LZTFL1: variants seen among roughly 807,000 people sequenced by gnomAD.
The protein encoded by LZTFL1 is leucine zipper transcription factor like 1, also known as leucine zipper transcription factor-like protein 1.
Under a neutral mutation model 45.9 loss-of-function variants are expected in LZTFL1, and 25 were observed. The ratio of observed to expected loss-of-function variants is 0.54; its 90% CI spans 0.40 to 0.76. The LOEUF (loss-of-function observed/expected upper bound fraction) is 0.76, where lower values mean the gene tolerates loss of function less well. LZTFL1 is among the 30% of genes least tolerant of loss of function. The pLI, the probability that LZTFL1 is intolerant of heterozygous loss-of-function variation, is 0.00. For synonymous variants in LZTFL1, 93 were observed against 117.4 expected (o/e 0.79, Z 1.35); for missense variants, 277 against 331.1 (o/e 0.84, Z 1.27).
At chr3:45,888,149 T>C (rs1702039603) in intron 2 of LZTFL1, among the ~76,000 whole-genome samples, 1 of 152,222 alleles carries the variant, frequency 6.6e-6, no homozygotes, top group Admixed American at 6.5e-5. Flanking sequence ...CTTTTCTCTT[T>C]TGGAGAATTA....
intron 2 of LZTFL1, among the ~76,000 whole-genome samples, chr3:45,892,855 G>A (rs1355924499): frequency 6.6e-6 from 1 of 152,226 alleles, no homozygotes; most frequent in Non-Finnish European, 1.5e-5. Context: ...GTTACCAGGA[G>A]GAAGTTCTGG....
chr3:45,873,282 T>C (rs1474818504), intron 2 of LZTFL1, among the ~76,000 whole-genome samples: 1 of 152,236 alleles, frequency 6.6e-6, no homozygotes, highest in Non-Finnish European at 1.5e-5. Context: ...GTGATGCTAG[T>C]GTTGCTCTAT....
At chr3:45,834,820 G>C (rs1658528136) in intron 3 of LZTFL1, 1 of 153,040 alleles carries the variant, frequency 6.5e-6, no homozygotes, top group Non-Finnish European at 1.5e-5. Context: ...CAAGCTTAGA[G>C]TGTTAACAGC....
chr3:45,887,251 C>CTGTGTG (rs36040178), intron 2 of LZTFL1, among the ~76,000 whole-genome samples: 2,129 of 149,208 alleles, frequency 0.014, 57 homozygotes, highest in African/African-American at 0.049. Context: ...GCGTGTGTGT[C>CTGTGTG]TGTGTGTGTG....
At chr3:45,861,117 C>T (rs1373519747) in intron 2 of LZTFL1, among the ~76,000 whole-genome samples, 1 of 151,470 alleles carries the variant, frequency 6.6e-6, no homozygotes, top group Admixed American at 6.6e-5. Flanking sequence ...AGAGAGGGCC[C>T]AGGAGTGGCA....
At position 45,900,668 on chromosome 3, in the gene LZTFL1, G is replaced by A. The variant is rs1702521558; in HGVS notation, c.-215+12452C>T. ...AAATAAATATGTCACAACCCAAGCA[G>A]ATGTCCTCAGAATGCCTATGTGTCT... On this transcript the variant is annotated intron_variant, in intron 2 of 4. Transcript: ENST00000472635. The surrounding 1 kb of genome is among the most constrained non-coding windows in gnomAD (Gnocchi z 4.7). 2 of 744,944 alleles carry A rather than the reference G, an allele frequency of 2.7e-6. No homozygotes were observed. The allele number at this position is 744,944 out of a possible 1,614,324, so 46.1% of individuals were successfully genotyped here.
At chr3:45,914,188 C>T (rs1008833181) in intron 1 of LZTFL1, among the ~76,000 whole-genome samples, 3 of 152,138 alleles carry the variant, frequency 2.0e-5, no homozygotes, top group African/African-American at 4.8e-5. Flanking sequence ...GACACAGCAA[C>T]GTTCACCAGG....
chr3:45,824,967 ACTGCCTT>A lies in LZTFL1; in HGVS notation c.*1340_*1346del, dbSNP rs1700627758. The A allele has an allele frequency of 2.5e-6, 1 of 398,112 alleles. No homozygotes were observed. Among genetic ancestry groups the A allele is most frequent in the Non-Finnish European group, 4.4e-6 (1 of 225,814 alleles). The allele number at this position is 398,112 out of a possible 1,614,324, so 24.7% of individuals were successfully genotyped here. A position where few individuals can be genotyped will look rare whatever the true frequency, so the allele number is the denominator to read the frequency against. ...TCTCTCATCCATTCATCTTCTTAAG[ACTGCCTT>A]CTGTGTCCTTTTGCAGGGAAATTAT... On this transcript the variant is annotated 3_prime_UTR_variant, in exon 10 of 10. Transcript: ENST00000296135.
chr3:45,859,837 A>T (rs1055169751), intron 2 of LZTFL1, among the ~76,000 whole-genome samples: 2 of 152,110 alleles, frequency 1.3e-5, no homozygotes, highest in African/African-American at 2.4e-5. Flanking sequence ...GGGTTTCACC[A>T]TGTTGGCCAG....
intron 2 of LZTFL1, among the ~76,000 whole-genome samples, chr3:45,892,107 C>A (rs1433052120): frequency 6.6e-6 from 1 of 152,088 alleles, no homozygotes; most frequent in Non-Finnish European, 1.5e-5. Context: ...GCACTAGGTG[C>A]TAATTATGCT....
intron 2 of LZTFL1, chr3:45,903,038 A>G (rs1702606611): frequency 6.0e-6 from 1 of 167,102 alleles, no homozygotes; most frequent in Non-Finnish European, 1.5e-5. Flanking sequence ...GATTTGGCAA[A>G]ATGCATCACC....
chr3:45,893,302 A>C (rs1463657342), intron 2 of LZTFL1, among the ~76,000 whole-genome samples: 1 of 151,978 alleles, frequency 6.6e-6, no homozygotes, highest in Admixed American at 6.6e-5. Context: ...CTACAGGCGC[A>C]CACCACCACA....
chr3:45,871,213 G>A (rs1701665677), intron 2 of LZTFL1, among the ~76,000 whole-genome samples: 1 of 152,156 alleles, frequency 6.6e-6, no homozygotes, highest in South Asian at 2.1e-4. Context: ...TTCTCCAGAG[G>A]GGATGCCAGA....
intron 2 of LZTFL1, among the ~76,000 whole-genome samples, chr3:45,885,275 A>G (rs1187635912): frequency 2.0e-5 from 3 of 152,238 alleles, no homozygotes; most frequent in African/African-American, 4.8e-5. Context: ...CCCCCAGAAC[A>G]AATATATAAA....
rs192123238 is a variant in LZTFL1, at chr3:45,837,914, C to T, written c.128+13G>A. The T allele has an allele frequency of 8.4e-5, 135 of 1,598,006 alleles. No individual in the cohort carries two copies. The Admixed American group carries it at 9.7e-4, about 11-fold the overall frequency. ...TGTTCCTATTTGGTTTGCTTAGAGTCCTCCTCTGATACCTGCTCTCCTTGA... is the reference window on the plus strand; with the variant it reads ...TGTTCCTATTTGGTTTGCTTAGAGTTCTCCTCTGATACCTGCTCTCCTTGA... On this transcript the variant is annotated intron_variant, in intron 2 of 9. Transcript: ENST00000296135.
intron 2 of LZTFL1, among the ~76,000 whole-genome samples, chr3:45,892,758 A>C (rs1404930979): frequency 2.0e-5 from 3 of 152,034 alleles, no homozygotes; most frequent in Non-Finnish European, 4.4e-5. Context: ...AACAAAAAAA[A>C]CCCACGTGGG....
intron 2 of LZTFL1, among the ~76,000 whole-genome samples, chr3:45,886,138 C>A (rs1467724633): frequency 6.6e-6 from 1 of 152,158 alleles, no homozygotes; most frequent in Non-Finnish European, 1.5e-5. Context: ...AGGTATGTTG[C>A]GATGGATAGT....
chr3:45,892,652 C>A (rs998761785), intron 2 of LZTFL1, among the ~76,000 whole-genome samples: 1 of 152,100 alleles, frequency 6.6e-6, no homozygotes, highest in African/African-American at 2.4e-5. Context: ...AATCTATACA[C>A]CAAGCCCCCA....
chr3:45,851,547 A>C (rs1394524983), intron 4 of LZTFL1, among the ~76,000 whole-genome samples: 1 of 151,410 alleles, frequency 6.6e-6, no homozygotes, highest in South Asian at 2.1e-4. Context: ...CGAAACTTCT[A>C]TTTTCTTCTA....
Sources: allele counts gnomAD v4.1 joint callset (sites outside exome capture counted in the v4.1 genomes callset), GRCh38; gene constraint gnomAD v4.1.1; non-coding constraint Gnocchi (gnomAD v3.1); transcripts MANE v1.5; gene names NCBI Gene and HGNC (gene_info 2026-07-23, HGNC 2026-07-21).